The following FBXL13 variants were observed in gnomAD, a reference collection of about 807,000 sequenced individuals.
FBXL13 encodes the protein F-box and leucine rich repeat protein 13, also known as F-box and leucine-rich repeat protein 13.
A neutral mutation model predicts 83.6 loss-of-function variants in FBXL13; 67 were observed. The observed-to-expected ratio is 0.80, with a 90% CI of 0.66 to 0.98. The LOEUF is 0.98. Among genes scored for constraint, FBXL13 ranks in the 50% least tolerant of loss-of-function variants. The pLI, the probability that FBXL13 is intolerant of heterozygous loss-of-function variation, is 0.00. For synonymous variants in FBXL13, 272 were observed against 299.5 expected (o/e 0.91, Z 0.95); for missense variants, 822 against 866.5 (o/e 0.95, Z 0.64).
chr7:103,074,735 C>A (rs750432233), upstream of FBXL13: 42 of 1,289,736 alleles, frequency 3.3e-5, no homozygotes, highest in Non-Finnish European at 4.2e-5. Flanking sequence ...TGAAGTAGTT[C>A]TTCAGCCTCG....
intron 6 of FBXL13, among the ~76,000 whole-genome samples, chr7:102,993,509 T>C (rs1031610436): frequency 1.3e-5 from 2 of 151,868 alleles, no homozygotes; most frequent in Non-Finnish European, 2.9e-5. Context: ...TAATTTTACA[T>C]TTTAAGAAAC....
At chr7:102,894,886 T>C (rs1475838456) in intron 11 of FBXL13, among the ~76,000 whole-genome samples, 1 of 152,162 alleles carries the variant, frequency 6.6e-6, no homozygotes, top group Non-Finnish European at 1.5e-5. Context: ...AGTTACCAAC[T>C]TCCCACTACG....
At chr7:102,820,212 G>C (rs1798606872) in intron 19 of FBXL13, among the ~76,000 whole-genome samples, 1 of 152,236 alleles carries the variant, frequency 6.6e-6, no homozygotes, top group Non-Finnish European at 1.5e-5. Context: ...CTAAAAGGTA[G>C]TGGTGTGGCC....
intron 2 of FBXL13, among the ~76,000 whole-genome samples, chr7:103,041,726 T>C (rs981799112): frequency 6.6e-6 from 1 of 152,176 alleles, no homozygotes; most frequent in African/African-American, 2.4e-5. Context: ...AAAAACCACA[T>C]GATTATCTCA....
intron 11 of FBXL13, among the ~76,000 whole-genome samples, chr7:102,910,524 C>T (rs1814487500): frequency 6.6e-6 from 1 of 151,866 alleles, no homozygotes; most frequent in South Asian, 2.1e-4. Context: ...CAGTTTGTCA[C>T]GGGCTCTCAA....
At chr7:102,952,820 C>T (rs1227896419) in intron 8 of FBXL13, among the ~76,000 whole-genome samples, 2 of 152,058 alleles carry the variant, frequency 1.3e-5, no homozygotes, top group East Asian at 3.9e-4. Flanking sequence ...CCCGTCTCTA[C>T]TCAAAATACA....
chr7:103,034,613 C>A (rs1794889105), intron 2 of FBXL13, among the ~76,000 whole-genome samples: 1 of 152,244 alleles, frequency 6.6e-6, no homozygotes, highest in East Asian at 1.9e-4. Flanking sequence ...GCTGAGGGAG[C>A]CGGTTCCGGC....
intron 10 of FBXL13, among the ~76,000 whole-genome samples, chr7:102,920,728 A>G (rs1816806993): frequency 6.6e-6 from 1 of 152,230 alleles, no homozygotes. Context: ...TAAAAATAGA[A>G]GTTAGCTACA....
At chr7:102,901,486 A>C (rs1291683744) in intron 11 of FBXL13, among the ~76,000 whole-genome samples, 3 of 152,154 alleles carry the variant, frequency 2.0e-5, no homozygotes, top group African/African-American at 7.2e-5. Context: ...TTATGCTATC[A>C]AATAGTATAT....
At chr7:102,989,337 C>A (rs1179849726) in intron 6 of FBXL13, among the ~76,000 whole-genome samples, 1 of 152,200 alleles carries the variant, frequency 6.6e-6, no homozygotes, top group Non-Finnish European at 1.5e-5. Context: ...CAGAATGCAT[C>A]GCAAAGTCAA....
intron 11 of FBXL13, among the ~76,000 whole-genome samples, chr7:102,886,248 G>A (rs185431821): frequency 3.2e-4 from 48 of 152,316 alleles, no homozygotes; most frequent in African/African-American, 1.1e-3. Context: ...TTGAGATGCT[G>A]CCCAGAAGCA....
At chr7:102,908,848 T>A (rs1100046) in intron 11 of FBXL13, among the ~76,000 whole-genome samples, 70,886 of 152,188 alleles carry the variant, frequency 0.47, 18,655 homozygotes, top group African/African-American at 0.73. Flanking sequence ...GTCAGACCTG[T>A]AGCTATCACA....
intron 6 of FBXL13, among the ~76,000 whole-genome samples, chr7:102,992,461 C>T (rs184225730): frequency 1.1e-4 from 17 of 152,304 alleles, no homozygotes; most frequent in Non-Finnish European, 2.4e-4. Context: ...CTCCCCATTT[C>T]CATGTGGCTG....
At chr7:103,040,232 C>G (rs1486197020) in intron 2 of FBXL13, among the ~76,000 whole-genome samples, 1 of 152,022 alleles carries the variant, frequency 6.6e-6, no homozygotes, top group African/African-American at 2.4e-5. Flanking sequence ...CAAAGAAGGC[C>G]ACTACATATT....
At chr7:102,962,171 C>A (rs201756448) in intron 8 of FBXL13, among the ~76,000 whole-genome samples, 3 of 150,558 alleles carry the variant, frequency 2.0e-5, no homozygotes, top group African/African-American at 7.4e-5. Flanking sequence ...AAAAAGTGGG[C>A]GAAGGACATG....
At chr7:102,817,375 T>G (rs1798156466) in intron 19 of FBXL13, among the ~76,000 whole-genome samples, 1 of 152,240 alleles carries the variant, frequency 6.6e-6, no homozygotes, top group Non-Finnish European at 1.5e-5. Context: ...TGAGCATTTT[T>G]TCATATTTTT....
exon 11 of FBXL13, chr7:102,913,147 T>C: frequency 1.2e-6 from 2 of 1,614,166 alleles, no homozygotes; most frequent in Non-Finnish European, 1.7e-6. Flanking sequence ...CAAGTTCAGG[T>C]ACTGTAAGCC....
chr7:103,061,464 G>A (rs1797896608), intron 1 of FBXL13, among the ~76,000 whole-genome samples: 1 of 152,158 alleles, frequency 6.6e-6, no homozygotes, highest in Non-Finnish European at 1.5e-5. Context: ...CTGGGCTGAG[G>A]GAATTCAGCA....
Position 103,025,014 on chromosome 7 carries a change from C to A in FBXL13, c.495+49G>T, listed in dbSNP as rs754434562. ...CAGCTGGGATTACAGGCATGCACCA[C>A]CACACTTGGCAGATTATAGTATATA... On this transcript the variant is annotated intron_variant, in intron 6 of 19. Coordinates refer to ENST00000313221, the Ensembl canonical transcript of FBXL13. 6 of 1,446,150 alleles carry A rather than the reference C, an allele frequency of 4.1e-6. No individual in the cohort carries two copies. The East Asian group carries it at 1.0e-4, about 24-fold the overall frequency. 89.6% of individuals were successfully genotyped at this position (1,446,150 alleles called of 1,614,324 possible). A position where few individuals can be genotyped will look rare whatever the true frequency, so the allele number is the denominator to read the frequency against.
Sources: allele counts gnomAD v4.1 joint callset (sites outside exome capture counted in the v4.1 genomes callset), GRCh38; gene constraint gnomAD v4.1.1; transcripts MANE v1.5; gene names NCBI Gene and HGNC (gene_info 2026-07-23, HGNC 2026-07-21).